Variants in UBR1 observed in about 807,000 individuals in gnomAD.
UBR1 encodes E3 ubiquitin-protein ligase UBR1.
A neutral mutation model predicts 242.1 loss-of-function variants in UBR1; 102 were observed. The ratio of observed to expected loss-of-function variants is 0.42; its 90% CI spans 0.36 to 0.50. The LOEUF is 0.50. UBR1 is among the 20% of genes least tolerant of loss of function. The pLI is 0.01. For synonymous variants in UBR1, 675 were observed against 684.8 expected (o/e 0.99, Z 0.22); for missense variants, 1,772 against 2,101.8 (o/e 0.84, Z 3.07).
Position 42,945,041 on chromosome 15 carries a change from T to C in UBR1, c.*288A>G. Reference sequence around the variant, plus strand: ...TACAACTGTTTGACGTGACTTCATCTACCAAGTGGATGAAATAAAATGAAA... The same window carrying C: ...TACAACTGTTTGACGTGACTTCATCCACCAAGTGGATGAAATAAAATGAAA... On this transcript the variant is annotated 3_prime_UTR_variant, in exon 47 of 47. Coordinates refer to ENST00000290650, the MANE Select transcript of UBR1 (RefSeq NM_174916.3). 1 of 404,578 alleles carries C rather than the reference T, an allele frequency of 2.5e-6. No homozygotes were observed. The highest frequency in any genetic ancestry group is 4.7e-6 in the Non-Finnish European group (1 of 214,896). 25.1% of individuals were successfully genotyped at this position (404,578 alleles called of 1,614,324 possible).
At position 43,036,553 on chromosome 15, in the gene UBR1, T is replaced by C. The variant is rs746259965; in HGVS notation, c.2063A>G (p.Tyr688Cys). 6.3e-7 allele frequency: 1 copy of C among 1,597,026 alleles called. No individual in the cohort carries two copies. The highest frequency in any genetic ancestry group is 8.6e-7 in the Non-Finnish European group (1 of 1,164,708). The change falls in exon 18 of 47, where the codon TAT becomes TGT. Residue 688 changes from tyrosine (Y) to cysteine (C), a missense_variant. Physicochemically the swap from Tyr to Cys is radical, Grantham distance 194 (BLOSUM62 -2). Around this residue, in one of 3 missense-constraint regions of UBR1, gnomAD observed 734 missense variants for 893.3 expected, o/e 0.82. Transcript: ENST00000290650. The stretch of plus-strand genomic sequence containing the variant: ...CTGAAGCATGATGATATCTTTATCA[T>C]ACATTTCTTCTCTGCACTTAACATC... ...YQDVKCREEM[Y>C]DKDIIMLQIG...
chr15:42,983,664 T>TTAATAATAATAA (rs758776932), intron 37 of UBR1, among the ~76,000 whole-genome samples: 1 of 36,162 alleles, frequency 2.8e-5, no homozygotes, highest in Non-Finnish European at 7.0e-5. Flanking sequence ...AAACTCCCAC[T>TTAATAATAATAA]CAATAATAAT....
chr15:43,026,693 G>A, intron 22 of UBR1, 30 bp from the exon 23 acceptor site: 6 of 1,548,900 alleles, frequency 3.9e-6, no homozygotes, highest in Non-Finnish European at 5.3e-6. Context: ...AAGATGAACT[G>A]CAGTGTTCTT....
At chr15:43,079,089 A>G (rs1205475275) in intron 3 of UBR1, among the ~76,000 whole-genome samples, 1 of 152,232 alleles carries the variant, frequency 6.6e-6, no homozygotes, top group African/African-American at 2.4e-5. Context: ...AGAGAAAGTC[A>G]TTGAAATGGG....
rs2031706551 is a variant in UBR1, at chr15:42,944,846, G to A, written c.*483C>T. The A allele has an allele frequency of 5.8e-6, 1 of 171,162 alleles. No homozygotes were observed. The highest frequency in any genetic ancestry group is 5.7e-5 in the Admixed American group (1 of 17,554). 10.6% of individuals were successfully genotyped at this position (171,162 alleles called of 1,614,324 possible). ...GAGAAATAATAAAAAATTTATTTTT[G>A]GAATCTTTCCCAAGTATATTGCATG... On this transcript the variant is annotated 3_prime_UTR_variant, in exon 47 of 47. Coordinates refer to ENST00000290650, the MANE Select transcript of UBR1 (RefSeq NM_174916.3).
intron 15 of UBR1, among the ~76,000 whole-genome samples, chr15:43,040,344 T>C (rs915398943): frequency 5.3e-5 from 8 of 152,152 alleles, no homozygotes; most frequent in African/African-American, 1.9e-4. Context: ...AAACAAGAAA[T>C]GGGGAAAGGA....
At chr15:42,976,966 T>A (rs979959504) in intron 38 of UBR1, 99 bp from the exon 39 acceptor site, 5 of 1,284,634 alleles carry the variant, frequency 3.9e-6, no homozygotes, top group Non-Finnish European at 5.5e-6. Context: ...CTACACAGTG[T>A]TTGTGTGTGT....
intron 30 of UBR1, among the ~76,000 whole-genome samples, chr15:43,006,106 G>GAAAAAAAAAAAAA (rs1235960946): frequency 9.0e-6 from 1 of 111,472 alleles, no homozygotes; most frequent in Non-Finnish European, 1.9e-5. Flanking sequence ...AAAAAAAAAA[G>GAAAAAAAAAAAAA]AAAAAAAAAA....
At chr15:43,038,260 T>C (rs376635400) in intron 15 of UBR1, 28 bp from the exon 16 acceptor site, 2 of 1,611,284 alleles carry the variant, frequency 1.2e-6, no homozygotes, top group Non-Finnish European at 8.5e-7. Flanking sequence ...AGAGAGAAAA[T>C]GAGAAAACAA....
chr15:42,945,483 A>C lies in UBR1; in HGVS notation c.5109-13T>G, dbSNP rs1390651392. ...GGGGTTGCCCCTCCTTTAGGGAAAA[A>C]AGAAAAAACAACATGTAAGTTTGAA... On this transcript the variant is annotated splice_polypyrimidine_tract_variant and intron_variant, in intron 46 of 46. Coordinates refer to ENST00000290650, the MANE Select transcript of UBR1 (RefSeq NM_174916.3). 2.5e-6 allele frequency: 4 copies of C among 1,613,898 alleles called. No homozygotes were observed. The South Asian group carries it at 3.3e-5, about 13-fold the overall frequency.
chr15:43,041,329 A>C (rs2033414716), intron 15 of UBR1, among the ~76,000 whole-genome samples: 1 of 152,194 alleles, frequency 6.6e-6, no homozygotes, highest in Admixed American at 6.5e-5. Flanking sequence ...CATTCTCAGC[A>C]AACTATCACA....
intron 37 of UBR1, among the ~76,000 whole-genome samples, chr15:42,980,770 G>A (rs902623820): frequency 2.6e-5 from 4 of 151,884 alleles, no homozygotes; most frequent in Admixed American, 2.0e-4. Context: ...CACCACACCC[G>A]GCTAAGTTTT....
rs141828250 is a variant in UBR1 at position 42,945,444 on chromosome 15, C to G, written c.5135G>C (p.Arg1712Pro). Residue 1712 changes from arginine (R) to proline (P), a missense_variant, in exon 47 of 47, where the codon CGT becomes CCT. By Grantham distance (103) the Arg-to-Pro change is moderately radical. Around this residue, in one of 3 missense-constraint regions of UBR1, gnomAD observed 965 missense variants for 1,079.7 expected, o/e 0.89. Transcript: ENST00000290650. ...CAAATGGAGCTTCCGATACCGCTCA[C>G]GAGATAAATGAAGGGGGTTGCCCCT... is the stretch of plus-strand genomic sequence containing the variant. ...LKRGNPLHLSRERYRKLHLVW... is the reference protein window; with the variant it reads ...LKRGNPLHLSPERYRKLHLVW... The G allele has an allele frequency of 4.3e-6, 7 of 1,613,768 alleles. No homozygotes were observed. Among genetic ancestry groups the G allele is most frequent in the Non-Finnish European group, 3.4e-6 (4 of 1,180,004 alleles).
intron 2 of UBR1, 94 bp from the exon 3 acceptor site, chr15:43,082,810 T>C: frequency 5.6e-6 from 5 of 899,538 alleles, no homozygotes; most frequent in South Asian, 4.1e-5. Flanking sequence ...GTTTCCTCTA[T>C]GGTACACAAA....
intron 39 of UBR1, among the ~76,000 whole-genome samples, chr15:42,975,767 T>C (rs535931593): frequency 3.4e-4 from 52 of 152,152 alleles, no homozygotes; most frequent in African/African-American, 1.2e-3. Context: ...AAAGGCACTC[T>C]GCATGGTGCA....
Position 43,072,324 on chromosome 15 carries a change from CAAAT to C in UBR1, c.529-1403_529-1400del, listed in dbSNP as rs1294188425. Among the ~76,000 whole-genome samples, 5 of 152,300 alleles carry C rather than the reference CAAAT, an allele frequency of 3.3e-5. No individual in the cohort carries two copies. In the East Asian group the frequency reaches 5.8e-4, roughly 18 times the overall value. On this transcript the variant is annotated intron_variant, in intron 4 of 46. Coordinates refer to ENST00000290650, the MANE Select transcript of UBR1 (RefSeq NM_174916.3). ...CAGGTTGGTCTCTAACTCCTGGTCT[CAAAT>C]AAGCCTCCTGCCTGAGTCTCCCAAA...
At chr15:42,989,393 T>C (rs2141276359) in intron 34 of UBR1, among the ~76,000 whole-genome samples, 1 of 152,358 alleles carries the variant, frequency 6.6e-6, no homozygotes, top group South Asian at 2.1e-4. Context: ...TATGTGTTTG[T>C]GTTGTGTGTA....
chr15:43,032,975 C>G (rs1241996423), intron 19 of UBR1, among the ~76,000 whole-genome samples: 1 of 152,152 alleles, frequency 6.6e-6, no homozygotes, highest in Non-Finnish European at 1.5e-5. Context: ...AGATTGCCAA[C>G]AGTTATATGG....
intron 4 of UBR1, among the ~76,000 whole-genome samples, chr15:43,073,882 G>A (rs565040704): frequency 6.6e-6 from 1 of 152,166 alleles, no homozygotes; most frequent in East Asian, 1.9e-4. Context: ...GAGCAGAATG[G>A]TACTTAAAAG....
Sources: allele counts gnomAD v4.1 joint callset (sites outside exome capture counted in the v4.1 genomes callset), GRCh38; gene constraint gnomAD v4.1.1; regional missense constraint gnomAD v4.1.1; transcripts MANE v1.5; gene names NCBI Gene and HGNC (gene_info 2026-07-23, HGNC 2026-07-21).